Variants in SORCS2 observed in about 807,000 individuals in gnomAD.
The protein encoded by SORCS2 is sortilin related VPS10 domain containing receptor 2.
A neutral mutation model predicts 141.6 loss-of-function variants in SORCS2; 100 were observed. The observed-to-expected ratio is 0.71, with a 90% CI of 0.60 to 0.83. SORCS2 has a LOEUF of 0.83. Among genes scored for constraint, SORCS2 ranks in the 40% least tolerant of loss-of-function variants. The pLI, the probability that SORCS2 is intolerant of heterozygous loss-of-function variation, is 0.00. For synonymous variants in SORCS2, 789 were observed against 676.9 expected, an observed-to-expected ratio of 1.17 and a Z score of -2.57; for missense variants, 1,646 against 1,560.2, an observed-to-expected ratio of 1.05 and a Z score of -0.93.
intron 2 of SORCS2, among the ~76,000 whole-genome samples, chr4:7,462,670 G>A (rs945466976): frequency 2.0e-5 from 3 of 151,710 alleles, no homozygotes; most frequent in African/African-American, 4.8e-5. Flanking sequence ...TCATCCTGGC[G>A]ACCTCAGTCC....
At position 7,737,130 on chromosome 4, in the gene SORCS2, A is replaced by C. The variant is rs1455507775; in HGVS notation, c.3373A>C (p.Ser1125Arg). 6.4e-7 allele frequency: 1 copy of C among 1,551,300 alleles called. No individual in the cohort carries two copies. Among genetic ancestry groups the C allele is most frequent in the African/African-American group, 1.4e-5 (1 of 73,024 alleles). Residue 1125 changes from serine to arginine, a missense_variant, in exon 26 of 27, where the codon AGC becomes CGC. Physicochemically the swap from Ser to Arg is moderately radical, Grantham distance 110. Transcript: ENST00000507866. ...CAACGAGAAGGAGCAGGAGATGACC[A>C]GCCCTGTGAGTCACAGTGAGGACGT... ...MHNEKEQEMTSPVSHSEDVQG... is the reference protein window; with the variant it reads ...MHNEKEQEMTRPVSHSEDVQG...
chr4:7,229,860 G>A (rs13124439), intron 1 of SORCS2, among the ~76,000 whole-genome samples: 1,986 of 146,334 alleles, frequency 0.014, 53 homozygotes, highest in African/African-American at 0.048. Context: ...TCAAGTCTTC[G>A]AGTGTCTGGG....
At chr4:7,621,864 C>T (rs530319935) in intron 3 of SORCS2, among the ~76,000 whole-genome samples, 7 of 152,298 alleles carry the variant, frequency 4.6e-5, no homozygotes, top group Non-Finnish European at 1.0e-4. Context: ...GCCTCTGGGG[C>T]GGTGTCCAGC....
At chr4:7,355,695 G>A (rs750030752) in intron 1 of SORCS2, among the ~76,000 whole-genome samples, 10 of 152,342 alleles carry the variant, frequency 6.6e-5, no homozygotes, top group East Asian at 3.9e-4. Flanking sequence ...CCCCCAGAGC[G>A]CATGAAACCT....
chr4:7,401,183 A>T (rs1267558041), intron 2 of SORCS2, among the ~76,000 whole-genome samples: 1 of 151,988 alleles, frequency 6.6e-6, no homozygotes, highest in Admixed American at 6.5e-5. Flanking sequence ...TGATGGATGG[A>T]TGGATGAATA....
chr4:7,207,200 G>T (rs942312176), intron 1 of SORCS2, among the ~76,000 whole-genome samples: 1 of 152,194 alleles, frequency 6.6e-6, no homozygotes, highest in African/African-American at 2.4e-5. Flanking sequence ...TTGTCCACAT[G>T]TGGGGCCTCG....
At chr4:7,306,120 C>T (rs881241) in intron 1 of SORCS2, among the ~76,000 whole-genome samples, 113,584 of 151,712 alleles carry the variant, frequency 0.75, 45,462 homozygotes, top group Non-Finnish European at 0.89. Context: ...ACCCTGTCCC[C>T]ATCCCACGCT....
intron 1 of SORCS2, among the ~76,000 whole-genome samples, chr4:7,251,222 A>G (rs895882874): frequency 1.3e-5 from 2 of 152,216 alleles, no homozygotes; most frequent in Admixed American, 1.3e-4. Context: ...GGCTTGTTCC[A>G]GGGGCTCAAA....
intron 1 of SORCS2, among the ~76,000 whole-genome samples, chr4:7,344,788 C>T (rs552696569): frequency 1.3e-5 from 2 of 152,328 alleles, no homozygotes; most frequent in South Asian, 4.1e-4. Context: ...CCCCATACTG[C>T]ACCTCACCCC....
chr4:7,606,389 C>G (rs953049247), intron 3 of SORCS2, among the ~76,000 whole-genome samples: 1 of 152,104 alleles, frequency 6.6e-6, no homozygotes, highest in Non-Finnish European at 1.5e-5. Context: ...CAGACTCCAG[C>G]GACTTTGATT....
intron 1 of SORCS2, among the ~76,000 whole-genome samples, chr4:7,386,716 C>T (rs561949929): frequency 7.4e-5 from 10 of 134,842 alleles, no homozygotes; most frequent in Admixed American, 6.1e-4. Context: ...CAGAGATACA[C>T]ATGCACATAC....
At chr4:7,392,043 C>T (rs973382234) in intron 1 of SORCS2, among the ~76,000 whole-genome samples, 1 of 152,252 alleles carries the variant, frequency 6.6e-6, no homozygotes, top group African/African-American at 2.4e-5. Flanking sequence ...CTCGTTCAGA[C>T]ATTCTCAAGA....
intron 1 of SORCS2, among the ~76,000 whole-genome samples, chr4:7,296,397 G>C (rs1328349935): frequency 1.3e-5 from 2 of 152,222 alleles, no homozygotes; most frequent in African/African-American, 2.4e-5. Context: ...CTGGCAGGAA[G>C]CTCTGCCTCC....
intron 1 of SORCS2, among the ~76,000 whole-genome samples, chr4:7,293,269 A>G (rs1041372338): frequency 6.7e-6 from 1 of 150,224 alleles, no homozygotes; most frequent in East Asian, 2.0e-4. Flanking sequence ...GCGCCACTGC[A>G]CTCTAGCCTG....
intron 2 of SORCS2, among the ~76,000 whole-genome samples, chr4:7,494,496 G>A (rs73212578): frequency 0.05 from 7,256 of 145,372 alleles, 190 homozygotes; most frequent in East Asian, 0.091. Context: ...CTGCCTCCTC[G>A]CTGTGTCGTC....
chr4:7,666,159 A>G (rs996444431), intron 7 of SORCS2, among the ~76,000 whole-genome samples: 22 of 152,162 alleles, frequency 1.4e-4, no homozygotes, highest in African/African-American at 5.1e-4. Flanking sequence ...GGAGCCGGGC[A>G]GTAAAGCAGC....
chr4:7,559,823 C>T (rs772745060), intron 3 of SORCS2, among the ~76,000 whole-genome samples: 3 of 152,268 alleles, frequency 2.0e-5, no homozygotes, highest in Non-Finnish European at 2.9e-5. Flanking sequence ...AGCACAGGTG[C>T]CCACTGACCA....
At chr4:7,434,923 G>T in intron 2 of SORCS2, 1 of 1,486,194 alleles carries the variant, frequency 6.7e-7, no homozygotes. Flanking sequence ...AGCAGTGGCT[G>T]CTGCTATAAA....
chr4:7,444,192 G>A (rs1025592092), intron 2 of SORCS2, among the ~76,000 whole-genome samples: 3 of 152,260 alleles, frequency 2.0e-5, no homozygotes, highest in South Asian at 2.1e-4. Context: ...TATGTGCTGA[G>A]TGCTATTCTA....
Sources: gnomAD v4.1 joint callset for allele counts (sites outside exome capture counted in the v4.1 genomes callset) on GRCh38, gnomAD v4.1.1 for gene constraint, MANE v1.5 for transcripts, NCBI Gene and HGNC (gene_info 2026-07-23, HGNC 2026-07-21) for gene names.